The following ERRFI1 variants were observed in gnomAD, a reference collection of about 807,000 sequenced individuals.
ERRFI1 encodes the protein mitogen-inducible gene 6 protein.
ERRFI1 carries 12 observed loss-of-function variants against 14.6 expected under a neutral mutation model. The observed-to-expected ratio is 0.82, with a 90% CI of 0.53 to 1.33. ERRFI1 has a LOEUF of 1.33. Among genes scored for constraint, ERRFI1 ranks in the 40% most tolerant of loss-of-function variants. The probability of loss-of-function intolerance (pLI) is 0.00; values close to 1 mark genes in which losing one functional copy is unlikely to be tolerated. For synonymous variants in ERRFI1, 202 were observed against 209.9 expected (o/e 0.96, Z 0.32); for missense variants, 482 against 572.1 (o/e 0.84, Z 1.61).
Position 8,013,492 on chromosome 1 carries a change from G to A in ERRFI1, c.1107C>T (p.Ser369=), listed in dbSNP as rs141639399. Residue 369 remains serine (S), a synonymous_variant, in exon 4 of 4, where the codon AGC becomes AGT. Coordinates refer to ENST00000377482, the MANE Select transcript of ERRFI1 (RefSeq NM_018948.4). The surrounding 1 kb of genome is among the most constrained non-coding windows in gnomAD (Gnocchi z 4.3). ...AAGGAACCTTACTGGCAGATCCTTC[G>A]CTGTTCTGTCTTTGCAGTGCTTTGC... is the stretch of plus-strand genomic sequence containing the variant. ...VSSKALQRQN[S]EGSASKVPCI... 1.0e-4 allele frequency: 163 copies of A among 1,613,998 alleles called. No individual in the cohort carries two copies. The highest frequency in any genetic ancestry group is 3.3e-5 in the South Asian group (3 of 91,082).
chr1:8,018,068 T>G (rs1557466058), intron 1 of ERRFI1, among the ~76,000 whole-genome samples: 1 of 152,322 alleles, frequency 6.6e-6, no homozygotes, highest in East Asian at 1.9e-4. Flanking sequence ...AGTGTCTTTG[T>G]GTATTCATAG....
intron 1 of ERRFI1, among the ~76,000 whole-genome samples, chr1:8,021,566 G>A (rs559365211): frequency 6.6e-6 from 1 of 152,240 alleles, no homozygotes; most frequent in South Asian, 2.1e-4. Flanking sequence ...ATGATGGGAC[G>A]CAAGTCTTTA....
Position 8,015,707 on chromosome 1 carries a change from A to G in ERRFI1, c.-73-15T>C. 1 of 1,525,982 alleles carries G rather than the reference A, an allele frequency of 6.6e-7. No homozygotes were observed. The highest frequency in any genetic ancestry group is 1.2e-5 in the South Asian group (1 of 85,994). 94.5% of individuals were successfully genotyped at this position (1,525,982 alleles called of 1,614,324 possible). On this transcript the variant is annotated splice_polypyrimidine_tract_variant and intron_variant, in intron 1 of 3. Coordinates refer to ENST00000377482, the MANE Select transcript of ERRFI1 (RefSeq NM_018948.4). The stretch of plus-strand genomic sequence containing the variant: ...GCTTTCATTCCCTGGGAGGTAGAAG[A>G]GATGAGAGAATAAAGAAAACAATTC...
chr1:8,025,920 C>A (rs933530301), intron 1 of ERRFI1, among the ~76,000 whole-genome samples: 7 of 151,886 alleles, frequency 4.6e-5, no homozygotes, highest in African/African-American at 1.4e-4. Context: ...CAGGCCCGGG[C>A]TGCGCCGCCG....
chr1:8,019,082 CCA>C (rs1230742307), intron 1 of ERRFI1, among the ~76,000 whole-genome samples: 1 of 152,154 alleles, frequency 6.6e-6, no homozygotes, highest in Non-Finnish European at 1.5e-5. Flanking sequence ...TTGCCAAGTT[CCA>C]CAGACTACTT....
At chr1:8,023,991 C>T (rs371452) in intron 1 of ERRFI1, among the ~76,000 whole-genome samples, 100,139 of 152,098 alleles carry the variant, frequency 0.66, 34,228 homozygotes, top group African/African-American at 0.85. Context: ...TTATTTAGAT[C>T]AAGAGCAGAG....
intron 1 of ERRFI1, among the ~76,000 whole-genome samples, chr1:8,019,325 G>A (rs1318410025): frequency 2.0e-5 from 3 of 152,078 alleles, no homozygotes; most frequent in East Asian, 1.9e-4. Context: ...TTTCAAGCGC[G>A]CTTCTATTTT....
rs1641140662 is a variant in ERRFI1, at chr1:8,014,339, G to T, written c.260C>A (p.Ser87Tyr). 1 of 1,610,468 alleles carries T rather than the reference G, an allele frequency of 6.2e-7. No individual in the cohort carries two copies. The highest frequency in any genetic ancestry group is 2.2e-5 in the East Asian group (1 of 44,826). The change falls in exon 4 of 4, where the codon TCT (serine) becomes TAT (tyrosine). Residue 87 changes from serine to tyrosine, a missense_variant. By Grantham distance (144) the Ser-to-Tyr change is moderately radical. Transcript: ENST00000377482. ...AAGAGGGGGCAAGCTGGACTTTTGAGATGGACCATTTTCTGCAAAGCAGTG... is the reference window on the plus strand; with the variant it reads ...AAGAGGGGGCAAGCTGGACTTTTGATATGGACCATTTTCTGCAAAGCAGTG... ...NGHCFAENGP[S>Y]QKSSLPPLLI...
At chr1:8,018,687 T>C (rs1275752449) in intron 1 of ERRFI1, among the ~76,000 whole-genome samples, 3 of 152,232 alleles carry the variant, frequency 2.0e-5, no homozygotes, top group Non-Finnish European at 4.4e-5. Flanking sequence ...GCTTTTTTAG[T>C]GGGTCTAAAA....
chr1:8,013,480 G>C lies in ERRFI1; in HGVS notation c.1119C>G (p.Ala373=). ...ALQRQNSEGS[A]SKVPCILPII... ...TGGGCAGAATGCAAGGAACCTTACT[G>C]GCAGATCCTTCGCTGTTCTGTCTTT... is the stretch of plus-strand genomic sequence containing the variant. Residue 373 remains alanine (A), a synonymous_variant, in exon 4 of 4, where the codon GCC becomes GCG. Transcript: ENST00000377482. This position sits in a 1 kb window ranked among gnomAD's most constrained non-coding sequence, Gnocchi z 4.3. The C allele has an allele frequency of 6.2e-7, 1 of 1,614,172 alleles. No homozygotes were observed. The highest frequency in any genetic ancestry group is 8.5e-7 in the Non-Finnish European group (1 of 1,180,026).
intron 1 of ERRFI1, among the ~76,000 whole-genome samples, chr1:8,016,083 CCTG>C (rs1469488055): frequency 6.6e-6 from 1 of 152,142 alleles, no homozygotes; most frequent in Non-Finnish European, 1.5e-5. Context: ...ACCAGTGGAT[CCTG>C]CTTATTTTTC....
Position 8,015,381 on chromosome 1 carries a change from G to A in ERRFI1, c.129C>T (p.Asn43=), listed in dbSNP as rs1027171161. The A allele has an allele frequency of 2.5e-6, 4 of 1,614,170 alleles. No individual in the cohort carries two copies. Among genetic ancestry groups the A allele is most frequent in the African/African-American group, 1.3e-5 (1 of 75,060 alleles). ...YWSSRSEFKN[N]FLNIDPITMA... ...TGGTTATCGGGTCAATATTTAAAAA[G>A]TTGCTGAAAGGAGAGGAAGCTACTT... is the stretch of plus-strand genomic sequence containing the variant. The change falls in exon 3 of 4, where the codon AAC becomes AAT. Residue 43 remains asparagine (N), a synonymous_variant. Coordinates refer to ENST00000377482, the MANE Select transcript of ERRFI1 (RefSeq NM_018948.4).
At chr1:8,024,131 G>A (rs533314377) in intron 1 of ERRFI1, among the ~76,000 whole-genome samples, 1 of 152,292 alleles carries the variant, frequency 6.6e-6, no homozygotes, top group South Asian at 2.1e-4. Context: ...TTTCAAGCAT[G>A]TTAGATTGTG....
chr1:8,020,423 G>A (rs576179363), intron 1 of ERRFI1, among the ~76,000 whole-genome samples: 3 of 152,038 alleles, frequency 2.0e-5, no homozygotes, highest in South Asian at 2.1e-4. Flanking sequence ...AACTGATTTA[G>A]GAATATGACA....
At chr1:8,021,138 T>C (rs946061492) in intron 1 of ERRFI1, among the ~76,000 whole-genome samples, 1 of 152,314 alleles carries the variant, frequency 6.6e-6, no homozygotes, top group Middle Eastern at 3.4e-3. Flanking sequence ...CTCTTAAACA[T>C]GTCCAGAACA....
Position 8,013,190 on chromosome 1 carries a change from C to T in ERRFI1, c.*20G>A. The T allele has an allele frequency of 6.4e-7, 1 of 1,574,052 alleles. No homozygotes were observed. Among genetic ancestry groups the T allele is most frequent in the African/African-American group, 1.4e-5 (1 of 73,130 alleles). On this transcript the variant is annotated 3_prime_UTR_variant, in exon 4 of 4. Transcript: ENST00000377482. This position sits in a 1 kb window ranked among gnomAD's most constrained non-coding sequence, Gnocchi z 4.3. The stretch of plus-strand genomic sequence containing the variant: ...ACCATTTGCTCCTATGTAACCTCTG[C>T]TGAACCATGACCCCAAGGTCTAAGG...
At chr1:8,021,373 A>G (rs565131950) in intron 1 of ERRFI1, among the ~76,000 whole-genome samples, 1 of 152,388 alleles carries the variant, frequency 6.6e-6, no homozygotes, top group Admixed American at 6.5e-5. Context: ...GTGACAGCAG[A>G]AAAGTAGGAT....
chr1:8,018,558 T>G (rs1159325647), intron 1 of ERRFI1, among the ~76,000 whole-genome samples: 1 of 152,128 alleles, frequency 6.6e-6, no homozygotes, highest in Non-Finnish European at 1.5e-5. Flanking sequence ...AAGTACAAGA[T>G]GGGATTATGT....
rs764946280 is a variant in ERRFI1 at position 8,013,657 on chromosome 1, G to A, written c.942C>T (p.Asp314=). The A allele has an allele frequency of 1.2e-6, 2 of 1,614,132 alleles. No homozygotes were observed. The highest frequency in any genetic ancestry group is 1.7e-6 in the Non-Finnish European group (2 of 1,180,030). The change falls in exon 4 of 4, where the codon GAC becomes GAT. Residue 314 remains aspartate, a synonymous_variant. Coordinates refer to ENST00000377482, the MANE Select transcript of ERRFI1 (RefSeq NM_018948.4). This position sits in a 1 kb window ranked among gnomAD's most constrained non-coding sequence, Gnocchi z 4.3. ...CTCTTGGCGGTACTTTGGGAGGCCT[G>A]TCTTCATCACTATAGGTGCTCGAAG... ...EVTSSTYSDE[D]RPPKVPPREP...
Sources: gnomAD v4.1 joint callset for allele counts (sites outside exome capture counted in the v4.1 genomes callset) on GRCh38, gnomAD v4.1.1 for gene constraint, Gnocchi (gnomAD v3.1) non-coding constraint, MANE v1.5 for transcripts, NCBI Gene and HGNC (gene_info 2026-07-23, HGNC 2026-07-21) for gene names.